Variants in ADARB2 observed in about 807,000 individuals in gnomAD.
ADARB2 encodes inactive double-stranded RNA-specific editase B2.
A neutral mutation model predicts 62.2 loss-of-function variants in ADARB2; 25 were observed. The ratio of observed to expected loss-of-function variants is 0.40; its 90% confidence interval spans 0.29 to 0.56. The LOEUF (loss-of-function observed/expected upper bound fraction) is 0.56, where lower values mean the gene tolerates loss of function less well. Ranked by LOEUF, ADARB2 falls within the 20% of genes least tolerant of loss-of-function variation. ADARB2 has a pLI of 0.43. For synonymous variants in ADARB2, 572 were observed against 500.8 expected, an observed-to-expected ratio of 1.14 and a Z score of -1.90; for missense variants, 1,071 against 1,077.4, an observed-to-expected ratio of 0.99 and a Z score of 0.08.
At chr10:1,409,219 TCG>T (rs1452237937) in intron 1 of ADARB2, among the ~76,000 whole-genome samples, 1 of 96,872 alleles carries the variant, frequency 1.0e-5, no homozygotes, top group Non-Finnish European at 2.5e-5. Context: ...GCTCCCACCT[TCG>T]TCGCCCCGCC....
chr10:1,588,727 C>T (rs2132006059), intron 1 of ADARB2, among the ~76,000 whole-genome samples: 1 of 152,300 alleles, frequency 6.6e-6, no homozygotes, highest in East Asian at 1.9e-4. Flanking sequence ...GACGCCAGCC[C>T]CTGCCTTGGG....
At chr10:1,621,614 C>T (rs1184128730) in intron 1 of ADARB2, among the ~76,000 whole-genome samples, 1 of 152,150 alleles carries the variant, frequency 6.6e-6, no homozygotes, top group African/African-American at 2.4e-5. Context: ...TGAGTTTTCA[C>T]TGTGTTAGGA....
At chr10:1,358,851 A>G (rs931955720) in intron 3 of ADARB2, among the ~76,000 whole-genome samples, 1 of 152,204 alleles carries the variant, frequency 6.6e-6, no homozygotes, top group Non-Finnish European at 1.5e-5. Context: ...AAACAAGTCA[A>G]TAAACTTCCT....
chr10:1,510,743 A>T (rs1405744268), intron 1 of ADARB2, among the ~76,000 whole-genome samples: 1 of 152,126 alleles, frequency 6.6e-6, no homozygotes, highest in African/African-American at 2.4e-5. Flanking sequence ...CACCCCCTAC[A>T]GTCCCTTCTT....
chr10:1,386,650 C>T (rs904588369), intron 1 of ADARB2, among the ~76,000 whole-genome samples: 3 of 151,750 alleles, frequency 2.0e-5, no homozygotes, highest in African/African-American at 4.8e-5. Context: ...GAGTTTTAAA[C>T]AACATGAATA....
chr10:1,225,806 T>G (rs1298788852), intron 6 of ADARB2, among the ~76,000 whole-genome samples: 1 of 152,036 alleles, frequency 6.6e-6, no homozygotes, highest in African/African-American at 2.4e-5. Context: ...GGTCCCTTTG[T>G]GGGTAACCCG....
intron 1 of ADARB2, among the ~76,000 whole-genome samples, chr10:1,420,315 CAA>C (rs1337294532): frequency 6.6e-6 from 1 of 152,118 alleles, no homozygotes; most frequent in African/African-American, 2.4e-5. Flanking sequence ...GTAAGGCTGA[CAA>C]AGAGTAGCAC....
intron 3 of ADARB2, among the ~76,000 whole-genome samples, chr10:1,304,952 T>C (rs1278189547): frequency 9.5e-6 from 1 of 104,882 alleles, no homozygotes; most frequent in African/African-American, 2.9e-5. Flanking sequence ...CACCCTAACA[T>C]CACAATTAAA....
chr10:1,522,408 A>G (rs984891876), intron 1 of ADARB2, among the ~76,000 whole-genome samples: 1 of 152,198 alleles, frequency 6.6e-6, no homozygotes, highest in Non-Finnish European at 1.5e-5. Flanking sequence ...CTGATGCCTG[A>G]GAGTCAGAGG....
intron 1 of ADARB2, among the ~76,000 whole-genome samples, chr10:1,483,466 T>C (rs1488827166): frequency 6.6e-6 from 1 of 152,210 alleles, no homozygotes; most frequent in African/African-American, 2.4e-5. Flanking sequence ...GTCCTAGCTA[T>C]GCAGATGTTC....
intron 3 of ADARB2, among the ~76,000 whole-genome samples, chr10:1,308,921 A>G (rs1490844462): frequency 6.6e-6 from 1 of 152,210 alleles, no homozygotes; most frequent in Non-Finnish European, 1.5e-5. Flanking sequence ...GGATAAACAG[A>G]TGCAGTTTCT....
At chr10:1,275,389 T>G (rs1305553351) in intron 3 of ADARB2, among the ~76,000 whole-genome samples, 1 of 152,172 alleles carries the variant, frequency 6.6e-6, no homozygotes, top group African/African-American at 2.4e-5. Flanking sequence ...CACCCAGGTG[T>G]GCACATTCAG....
At chr10:1,250,445 T>C (rs979028271) in intron 4 of ADARB2, among the ~76,000 whole-genome samples, 1 of 152,144 alleles carries the variant, frequency 6.6e-6, no homozygotes, top group Non-Finnish European at 1.5e-5. Context: ...TTCGTTCCTG[T>C]GAGAGTTGGC....
At chr10:1,733,081 T>G (rs967413957) in intron 1 of ADARB2, among the ~76,000 whole-genome samples, 26 of 152,106 alleles carry the variant, frequency 1.7e-4, no homozygotes, top group Admixed American at 1.4e-3. Flanking sequence ...CTCAAAGAGG[T>G]GTCCTGTGCC....
At chr10:1,668,399 G>A (rs1239559965) in intron 1 of ADARB2, among the ~76,000 whole-genome samples, 6 of 152,224 alleles carry the variant, frequency 3.9e-5, no homozygotes, top group East Asian at 1.9e-4. Flanking sequence ...CATGTGTGCT[G>A]TTAGTGCAGT....
At chr10:1,526,350 G>T (rs935536269) in intron 1 of ADARB2, among the ~76,000 whole-genome samples, 3 of 151,996 alleles carry the variant, frequency 2.0e-5, no homozygotes, top group African/African-American at 7.3e-5. Flanking sequence ...CTTAAGAGTG[G>T]CACAGTCAGT....
chr10:1,361,467 A>T (rs1403929548), intron 3 of ADARB2: 1 of 152,092 alleles, frequency 6.6e-6, no homozygotes, highest in Non-Finnish European at 1.5e-5. Flanking sequence ...ACTGATGGAG[A>T]TTGTGGTCTA....
chr10:1,570,484 C>T (rs1832920789), intron 1 of ADARB2, among the ~76,000 whole-genome samples: 1 of 152,172 alleles, frequency 6.6e-6, no homozygotes, highest in African/African-American at 2.4e-5. Context: ...GGAAAGGCCT[C>T]CCTCCCGAGT....
intron 1 of ADARB2, among the ~76,000 whole-genome samples, chr10:1,614,081 A>G (rs1417690873): frequency 6.6e-6 from 1 of 152,242 alleles, no homozygotes; most frequent in African/African-American, 2.4e-5. Flanking sequence ...TCCATCACTG[A>G]TACAACACAC....
Sources: allele counts gnomAD v4.1 joint callset (sites outside exome capture counted in the v4.1 genomes callset), GRCh38; gene constraint gnomAD v4.1.1; transcripts MANE v1.5; gene names NCBI Gene and HGNC (gene_info 2026-07-23, HGNC 2026-07-21).